The following CFAP299 variants were observed in gnomAD, a reference collection of about 807,000 sequenced individuals.
CFAP299 encodes cilia- and flagella-associated protein 299.
A neutral mutation model predicts 27.0 loss-of-function variants in CFAP299; 21 were observed. The observed-to-expected ratio is 0.78, with a 90% CI of 0.55 to 1.12. CFAP299 has a LOEUF of 1.12. CFAP299 is among the 50% of genes most tolerant of loss of function. CFAP299 has a pLI of 0.00. For missense variants in CFAP299, 310 were observed against 276.6 expected (o/e 1.12, Z -0.86); for synonymous variants, 104 against 98.1 (o/e 1.06, Z -0.36).
intron 3 of CFAP299, among the ~76,000 whole-genome samples, chr4:80,705,140 A>G (rs1050368783): frequency 1.3e-5 from 2 of 151,860 alleles, no homozygotes; most frequent in African/African-American, 4.8e-5. Flanking sequence ...CAATTACATT[A>G]AATAATATAA....
At chr4:80,766,317 T>G (rs1725859941) in intron 3 of CFAP299, among the ~76,000 whole-genome samples, 1 of 152,034 alleles carries the variant, frequency 6.6e-6, no homozygotes, top group African/African-American at 2.4e-5. Flanking sequence ...AATACTGGAG[T>G]AAGCTAAACT....
intron 2 of CFAP299, chr4:80,387,206 C>A (rs1725060683): frequency 7.2e-7 from 1 of 1,389,782 alleles, no homozygotes; most frequent in Non-Finnish European, 1.0e-6. Flanking sequence ...CTGGTGCACG[C>A]TCAGGTCGTA....
intron 2 of CFAP299, among the ~76,000 whole-genome samples, chr4:80,506,980 G>A (rs1292862960): frequency 6.6e-6 from 1 of 152,116 alleles, no homozygotes. Context: ...TAGATATAAA[G>A]TATTATACTT....
intron 4 of CFAP299, among the ~76,000 whole-genome samples, chr4:80,942,890 T>C: frequency 6.6e-6 from 1 of 152,304 alleles, no homozygotes; most frequent in Middle Eastern, 3.4e-3. Flanking sequence ...GATATCAAAG[T>C]ATATTTTTTA....
At chr4:80,377,932 G>T (rs891706952) in intron 2 of CFAP299, among the ~76,000 whole-genome samples, 1 of 152,152 alleles carries the variant, frequency 6.6e-6, no homozygotes, top group Non-Finnish European at 1.5e-5. Flanking sequence ...AGACAATAAT[G>T]AGGAAGAAGC....
At chr4:80,857,750 T>C (rs1271978688) in intron 3 of CFAP299, among the ~76,000 whole-genome samples, 2 of 152,248 alleles carry the variant, frequency 1.3e-5, no homozygotes, top group African/African-American at 4.8e-5. Flanking sequence ...ACCCCAGGGA[T>C]GAAGCCCACT....
intron 2 of CFAP299, among the ~76,000 whole-genome samples, chr4:80,504,424 T>TA: frequency 7.0e-6 from 1 of 141,910 alleles, no homozygotes; most frequent in Non-Finnish European, 1.5e-5. Flanking sequence ...GTACTTTACT[T>TA]ACTTTTAATT....
At chr4:80,327,680 T>G in the CFAP299 span, among the ~76,000 whole-genome samples, 72,146 of 118,566 alleles carry the variant, frequency 0.61, 22,134 homozygotes, top group Non-Finnish European at 0.67. Context: ...CATATATATA[T>G]AGAGAGAAGT....
chr4:80,506,909 G>A (rs749533373), intron 2 of CFAP299, among the ~76,000 whole-genome samples: 3 of 152,040 alleles, frequency 2.0e-5, no homozygotes, highest in South Asian at 2.1e-4. Flanking sequence ...CTGATCATGC[G>A]GTCCATGGTC....
At chr4:80,426,495 A>G (rs748166752) in intron 2 of CFAP299, among the ~76,000 whole-genome samples, 2 of 152,240 alleles carry the variant, frequency 1.3e-5, no homozygotes, top group Non-Finnish European at 2.9e-5. Flanking sequence ...TACATACATT[A>G]GAATTTCAGA....
chr4:80,692,748 A>T (rs1487771217), intron 3 of CFAP299, among the ~76,000 whole-genome samples: 1 of 152,188 alleles, frequency 6.6e-6, no homozygotes, highest in Non-Finnish European at 1.5e-5. Flanking sequence ...CTACCATCAG[A>T]GTGAACAGGC....
At chr4:80,406,191 C>A (rs1009162875) in intron 2 of CFAP299, among the ~76,000 whole-genome samples, 1 of 152,074 alleles carries the variant, frequency 6.6e-6, no homozygotes, top group Admixed American at 6.6e-5. Flanking sequence ...ACATTTGTTT[C>A]CAAAGTGTCA....
chr4:80,673,842 C>CTTT (rs201682901), intron 3 of CFAP299, among the ~76,000 whole-genome samples: 3 of 128,766 alleles, frequency 2.3e-5, no homozygotes, highest in African/African-American at 8.6e-5. Context: ...CAAACTCTGC[C>CTTT]TTTTTTTTTT....
At chr4:80,373,301 T>G (rs1206767172) in intron 2 of CFAP299, among the ~76,000 whole-genome samples, 1 of 152,064 alleles carries the variant, frequency 6.6e-6, no homozygotes, top group African/African-American at 2.4e-5. Flanking sequence ...GCAGATTGAA[T>G]GCAGATTCAG....
intron 2 of CFAP299, chr4:80,387,895 G>A: frequency 1.0e-6 from 1 of 974,622 alleles, no homozygotes; most frequent in African/African-American, 1.6e-5. Flanking sequence ...GATGGCCACG[G>A]TGCCCCCGGT....
chr4:80,442,946 A>C (rs1483961709), intron 2 of CFAP299, among the ~76,000 whole-genome samples: 1 of 152,234 alleles, frequency 6.6e-6, no homozygotes, highest in East Asian at 1.9e-4. Context: ...GAAGAAATGG[A>C]TAAATTCCTG....
At chr4:80,698,710 C>T (rs112642619) in intron 3 of CFAP299, among the ~76,000 whole-genome samples, 22 of 152,172 alleles carry the variant, frequency 1.4e-4, no homozygotes, top group Non-Finnish European at 2.6e-4. Context: ...GGAGAAGCCT[C>T]AGGAAACTTA....
intron 3 of CFAP299, among the ~76,000 whole-genome samples, chr4:80,853,163 T>C (rs1043793173): frequency 1.3e-5 from 2 of 152,136 alleles, no homozygotes; most frequent in Non-Finnish European, 2.9e-5. Flanking sequence ...CCCAAGTAAC[T>C]GGGATTACAG....
At chr4:80,584,757 T>G (rs984852311) in intron 3 of CFAP299, among the ~76,000 whole-genome samples, 1 of 152,006 alleles carries the variant, frequency 6.6e-6, no homozygotes, top group African/African-American at 2.4e-5. Context: ...AAACCTAGAT[T>G]TTTTTTCATC....
Sources: gnomAD v4.1 joint callset for allele counts (sites outside exome capture counted in the v4.1 genomes callset) on GRCh38, gnomAD v4.1.1 for gene constraint, MANE v1.5 for transcripts, NCBI Gene and HGNC (gene_info 2026-07-23, HGNC 2026-07-21) for gene names.